CADPS: variants seen among roughly 807,000 people sequenced by gnomAD.
CADPS encodes calcium dependent secretion activator, also known as calcium-dependent secretion activator 1.
CADPS carries 57 observed loss-of-function variants against 167.3 expected under a neutral mutation model. The observed-to-expected ratio is 0.34, with a 90% CI of 0.28 to 0.42. CADPS has a LOEUF of 0.42. Ranked by LOEUF, CADPS falls within the 20% of genes least tolerant of loss-of-function variation. The pLI is 1.00. For synonymous variants in CADPS, 676 were observed against 635.3 expected (o/e 1.06, Z -0.96); for missense variants, 1,414 against 1,738.1 (o/e 0.81, Z 3.32).
chr3:62,812,947 A>T (rs1454281738), intron 1 of CADPS, among the ~76,000 whole-genome samples: 1 of 152,158 alleles, frequency 6.6e-6, no homozygotes. Context: ...GCACAGGAGT[A>T]GAAGGGCACT....
rs117444252 is a variant in CADPS, at chr3:62,766,769, G to A, written c.442-785C>T. 8.4e-4 allele frequency among the ~76,000 whole-genome samples: 128 copies of A among 152,196 alleles called. 2 individuals carry two copies. In the East Asian group the frequency reaches 0.018, roughly 21 times the overall value. On this transcript the variant is annotated intron_variant, in intron 1 of 29. Transcript: ENST00000383710. ...CTCACCCCTTATCTGGCTCTATCAT[G>A]CCATCCATCAGGTATCAATGCAGGC...
At chr3:62,652,336 G>A (rs1054074113) in intron 4 of CADPS, among the ~76,000 whole-genome samples, 1 of 149,714 alleles carries the variant, frequency 6.7e-6, no homozygotes, top group East Asian at 2.0e-4. Context: ...TGTCCTTGTG[G>A]CTGGGAGTAG....
chr3:62,845,250 A>G (rs2077224309), intron 1 of CADPS, among the ~76,000 whole-genome samples: 1 of 152,142 alleles, frequency 6.6e-6, no homozygotes, highest in African/African-American at 2.4e-5. Context: ...GAGCTTCTGT[A>G]TTGGAAGACC....
At chr3:62,573,355 A>G (rs2081646123) in intron 8 of CADPS, among the ~76,000 whole-genome samples, 1 of 150,768 alleles carries the variant, frequency 6.6e-6, no homozygotes, top group Non-Finnish European at 1.5e-5. Context: ...TGGTTTGTTG[A>G]TTTCTCAGAT....
intron 3 of CADPS, among the ~76,000 whole-genome samples, chr3:62,733,130 C>T (rs1199137498): frequency 6.6e-6 from 1 of 152,202 alleles, no homozygotes; most frequent in African/African-American, 2.4e-5. Context: ...CTTTCATAAA[C>T]CAGAAATCAG....
At chr3:62,411,170 C>G (rs948221896) in intron 28 of CADPS, among the ~76,000 whole-genome samples, 15 of 152,150 alleles carry the variant, frequency 9.9e-5, no homozygotes, top group Admixed American at 8.5e-4. Context: ...CTAAAAATGC[C>G]TGAGCAAGCA....
intron 28 of CADPS, among the ~76,000 whole-genome samples, chr3:62,405,969 G>A (rs1007602543): frequency 6.6e-6 from 1 of 152,192 alleles, no homozygotes; most frequent in Non-Finnish European, 1.5e-5. Flanking sequence ...CACGTTATCT[G>A]TTGTAGAGGA....
intron 7 of CADPS, among the ~76,000 whole-genome samples, chr3:62,590,255 A>G (rs898059773): frequency 1.3e-5 from 2 of 151,900 alleles, no homozygotes; most frequent in African/African-American, 2.4e-5. Context: ...TTGTGGACCC[A>G]GGTTGAGCAT....
chr3:62,484,270 C>T (rs544039763), intron 21 of CADPS, among the ~76,000 whole-genome samples: 2 of 152,012 alleles, frequency 1.3e-5, no homozygotes, highest in African/African-American at 2.4e-5. Flanking sequence ...ACTAATATTT[C>T]ATTTGGATAT....
At chr3:62,835,469 T>A (rs540964467) in intron 1 of CADPS, among the ~76,000 whole-genome samples, 43 of 152,354 alleles carry the variant, frequency 2.8e-4, no homozygotes, top group African/African-American at 9.9e-4. Context: ...CTTGTTATTT[T>A]TCATAATTGA....
At chr3:62,429,027 A>G (rs1404995908) in intron 28 of CADPS, among the ~76,000 whole-genome samples, 1 of 152,250 alleles carries the variant, frequency 6.6e-6, no homozygotes, top group African/African-American at 2.4e-5. Flanking sequence ...ATTTGTGTGT[A>G]GTAGAATCAT....
In CADPS at chr3:62,438,191, G is replaced by A. The variant is rs982168584; in HGVS notation, c.3690C>T (p.Ala1230=). 2.5e-6 allele frequency: 4 copies of A among 1,613,426 alleles called. No individual in the cohort carries two copies. In the East Asian group the frequency reaches 6.7e-5, roughly 27 times the overall value. ...VDVPKPGMDV[A]DAYVTFVRHS... The stretch of plus-strand genomic sequence containing the variant: ...GGCGGACGAAAGTCACGTAGGCGTC[G>A]GCCACGTCCATCCCGGGTTTCTGTA... Residue 1230 remains alanine, a synonymous_variant, in exon 28 of 30, where the codon GCC becomes GCT. Coordinates refer to ENST00000383710, the MANE Select transcript of CADPS (RefSeq NM_003716.4). The surrounding 1 kb of genome is among the most constrained non-coding windows in gnomAD (Gnocchi z 4.7).
intron 3 of CADPS, among the ~76,000 whole-genome samples, chr3:62,740,850 T>C (rs997232388): frequency 3.9e-5 from 6 of 152,244 alleles, no homozygotes; most frequent in Non-Finnish European, 5.9e-5. Context: ...ATTAACTTGC[T>C]AAAGGTTACA....
At chr3:62,806,769 A>T (rs2094124493) in intron 1 of CADPS, among the ~76,000 whole-genome samples, 1 of 152,138 alleles carries the variant, frequency 6.6e-6, no homozygotes, top group Non-Finnish European at 1.5e-5. Flanking sequence ...TTTTTTAAAA[A>T]AGGAAACAAG....
chr3:62,829,481 A>G lies in CADPS; in HGVS notation c.441+45108T>C, dbSNP rs545919201. Among the ~76,000 whole-genome samples, 10 of 152,262 alleles carry G rather than the reference A, an allele frequency of 6.6e-5. No individual in the cohort carries two copies. The South Asian group carries it at 2.1e-3, about 32-fold the overall frequency. ...TATCCTCCATGGATACCAAGAGATGACTATAATTTCATCTATGTCACAGGT... is the reference window on the plus strand; with the variant it reads ...TATCCTCCATGGATACCAAGAGATGGCTATAATTTCATCTATGTCACAGGT... On this transcript the variant is annotated intron_variant, in intron 1 of 29. Transcript: ENST00000383710.
intron 5 of CADPS, among the ~76,000 whole-genome samples, chr3:62,649,743 T>C (rs4688301): frequency 0.49 from 74,372 of 150,652 alleles, 19,489 homozygotes; most frequent in East Asian, 0.69. Flanking sequence ...TTTGTAGAGA[T>C]GTCTCACTAT....
rs2077078747 is a variant in CADPS, at chr3:62,550,065, C to T, written c.1804G>A (p.Val602Met). The change falls in exon 11 of 30, where the codon GTG becomes ATG. Residue 602 changes from valine (V) to methionine (M), a missense_variant. By Grantham distance (21) the Val-to-Met change is conservative (BLOSUM62 1). Coordinates refer to ENST00000383710, the MANE Select transcript of CADPS (RefSeq NM_003716.4). ...TGTTCATCGTCACTGGCAAATATCACGGTGTCTCCCTCCTTGACAGCATTG... is the reference window on the plus strand; with the variant it reads ...TGTTCATCGTCACTGGCAAATATCATGGTGTCTCCCTCCTTGACAGCATTG... ...FFNAVKEGDT[V>M]IFASDDEQDR... The T allele has an allele frequency of 4.3e-6, 7 of 1,614,086 alleles. No homozygotes were observed. The highest frequency in any genetic ancestry group is 2.2e-5 in the East Asian group (1 of 44,864).
At chr3:62,653,222 T>A (rs993448779) in intron 4 of CADPS, among the ~76,000 whole-genome samples, 1 of 152,146 alleles carries the variant, frequency 6.6e-6, no homozygotes, top group African/African-American at 2.4e-5. Flanking sequence ...TGTTATGGTA[T>A]TTGAAGATGG....
intron 3 of CADPS, among the ~76,000 whole-genome samples, chr3:62,675,191 G>A (rs891568193): frequency 5.3e-5 from 8 of 151,858 alleles, no homozygotes; most frequent in African/African-American, 1.9e-4. Flanking sequence ...AGGGAAAATA[G>A]AACATGGAGG....
Sources: allele counts gnomAD v4.1 joint callset (sites outside exome capture counted in the v4.1 genomes callset), GRCh38; gene constraint gnomAD v4.1.1; non-coding constraint Gnocchi (gnomAD v3.1); transcripts MANE v1.5; gene names NCBI Gene and HGNC (gene_info 2026-07-23, HGNC 2026-07-21).